The following NEK10 variants were observed in gnomAD, a reference collection of about 807,000 sequenced individuals.
NEK10 encodes the protein serine/threonine-protein kinase Nek10.
Under a neutral mutation model 159.8 loss-of-function variants are expected in NEK10, and 122 were observed. The observed-to-expected ratio is 0.76, with a 90% CI of 0.66 to 0.89. NEK10 has a LOEUF of 0.89. Ranked by LOEUF, NEK10 falls within the 40% of genes least tolerant of loss-of-function variation. The pLI is 0.00. For synonymous variants in NEK10, 466 were observed against 457.1 expected (o/e 1.02, Z -0.25); for missense variants, 1,342 against 1,323.1 (o/e 1.01, Z -0.22).
intron 30 of NEK10, among the ~76,000 whole-genome samples, chr3:27,145,531 G>C (rs17317121): frequency 1.3e-5 from 2 of 152,104 alleles, no homozygotes; most frequent in African/African-American, 2.4e-5. Flanking sequence ...CAAGCATGAC[G>C]CTAAAGAGCT....
At chr3:27,288,580 T>G (rs1241370891) in intron 19 of NEK10, among the ~76,000 whole-genome samples, 1 of 152,202 alleles carries the variant, frequency 6.6e-6, no homozygotes, top group African/African-American at 2.4e-5. Flanking sequence ...TCTCCTCTAT[T>G]ACAATAGTTT....
At chr3:27,129,025 A>C (rs1466542100) in intron 32 of NEK10, among the ~76,000 whole-genome samples, 1 of 152,114 alleles carries the variant, frequency 6.6e-6, no homozygotes, top group African/African-American at 2.4e-5. Context: ...TGATACTTCC[A>C]ATTCCAATTT....
chr3:27,132,045 G>T, intron 31 of NEK10, 55 bp from the exon 32 acceptor site: 1 of 999,522 alleles, frequency 1.0e-6, no homozygotes, highest in South Asian at 1.4e-5. Flanking sequence ...CTACACAGCT[G>T]ACTACAAAAA....
At chr3:27,150,198 G>C (rs969806642) in intron 30 of NEK10, among the ~76,000 whole-genome samples, 52 of 152,312 alleles carry the variant, frequency 3.4e-4, no homozygotes, top group Non-Finnish European at 5.7e-4. Context: ...TGTAAATGCT[G>C]ATATAGAAGT....
chr3:27,130,406 G>A lies in NEK10; in HGVS notation c.3081+1474C>T, dbSNP rs112030996. ...CCACAATACACAGGAAGGAAGACAA[G>A]GAGTGGGTGGGAGAATTTAACAAAC... On this transcript the variant is annotated intron_variant, in intron 32 of 35. Coordinates refer to ENST00000691995, the MANE Select transcript of NEK10 (RefSeq NM_001394966.1). Among the ~76,000 whole-genome samples the A allele has an allele frequency of 4.8e-3, 726 of 152,260 alleles. 3 individuals carry two copies. Among genetic ancestry groups the A allele is most frequent in the Middle Eastern group, 0.027 (8 of 294 alleles).
chr3:27,286,626 G>A (rs139288407), intron 20 of NEK10, among the ~76,000 whole-genome samples: 2,111 of 141,022 alleles, frequency 0.015, 24 homozygotes, highest in Middle Eastern at 0.046. Context: ...CTGACCTCAA[G>A]TGATTCGCCA....
chr3:27,174,684 T>C lies in NEK10; in HGVS notation c.2655A>G (p.Ser885=), dbSNP rs770499067. Residue 885 remains serine (S), a synonymous_variant, in exon 27 of 36, where the codon TCA becomes TCG. Transcript: ENST00000691995. ...DEDRACDEIL[S]DDNFNLENAE... is the part of the protein sequence containing the mutation. ...CATTTTCCAGGTTGAAGTTATCATC[T>C]GACAGGATTTCGTCACAGGCCCTGT... 17 of 1,612,286 alleles carry C rather than the reference T, an allele frequency of 1.1e-5. No individual in the cohort carries two copies. Among genetic ancestry groups the C allele is most frequent in the Non-Finnish European group, 5.9e-6 (7 of 1,179,450 alleles).
intron 1 of NEK10, among the ~76,000 whole-genome samples, chr3:27,367,100 A>T (rs1487902817): frequency 6.6e-6 from 1 of 152,172 alleles, no homozygotes; most frequent in East Asian, 1.9e-4. Flanking sequence ...ATGAGCCACC[A>T]TGCCCAGCCC....
Position 27,192,129 on chromosome 3 carries a change from T to C in NEK10, c.2405A>G (p.Glu802Gly). The C allele has an allele frequency of 6.2e-7, 1 of 1,614,216 alleles. No individual in the cohort carries two copies. The highest frequency in any genetic ancestry group is 8.5e-7 in the Non-Finnish European group (1 of 1,180,036). Reference protein sequence around the residue: ...DNLSTSQLSLEKKLERERRRT... With the variant: ...DNLSTSQLSLGKKLERERRRT... ...TCTTCGTTCCCGTTCTAGCTTCTTT[T>C]CCAAGGACAACTGGGATGTAGATAA... The change falls in exon 26 of 36, where the codon GAA becomes GGA. Residue 802 changes from glutamate to glycine, a missense_variant. By Grantham distance (98) the Glu-to-Gly change is moderately conservative. Transcript: ENST00000691995.
chr3:27,162,339 A>C, intron 30 of NEK10: 1 of 1,465,166 alleles, frequency 6.8e-7, no homozygotes, highest in South Asian at 1.4e-5. Context: ...CAAACAAGGC[A>C]GAATTCTCCG....
chr3:27,336,450 AT>A (rs974970527), intron 5 of NEK10, among the ~76,000 whole-genome samples: 2 of 152,184 alleles, frequency 1.3e-5, no homozygotes, highest in African/African-American at 4.8e-5. Context: ...TCCTGAAACT[AT>A]TCCAGAAAAT....
chr3:27,151,522 A>G (rs963233825), intron 30 of NEK10, among the ~76,000 whole-genome samples: 1 of 152,174 alleles, frequency 6.6e-6, no homozygotes, highest in South Asian at 2.1e-4. Flanking sequence ...TTAGCCCTAG[A>G]TATTCCCTCT....
chr3:27,275,366 T>C (rs1575553427), intron 22 of NEK10, among the ~76,000 whole-genome samples: 1 of 152,192 alleles, frequency 6.6e-6, no homozygotes, highest in East Asian at 1.9e-4. Context: ...CCAATGGCAA[T>C]ACAAGGCAAC....
chr3:27,248,020 G>T (rs1474443078), intron 23 of NEK10, among the ~76,000 whole-genome samples: 1 of 151,898 alleles, frequency 6.6e-6, no homozygotes, highest in Non-Finnish European at 1.5e-5. Flanking sequence ...TTTACTGGGA[G>T]ACTTTTCATT....
chr3:27,292,158 T>A (rs1245839484), intron 16 of NEK10, among the ~76,000 whole-genome samples: 2 of 152,170 alleles, frequency 1.3e-5, no homozygotes, highest in East Asian at 3.9e-4. Context: ...AATAACACTG[T>A]ACACTTAAAA....
At chr3:27,197,933 G>A (rs1949706776) in intron 25 of NEK10, among the ~76,000 whole-genome samples, 1 of 151,964 alleles carries the variant, frequency 6.6e-6, no homozygotes, top group Non-Finnish European at 1.5e-5. Flanking sequence ...ATTGTCTTGT[G>A]CTGATTTTCA....
At chr3:27,264,282 A>C (rs761024975) in intron 22 of NEK10, among the ~76,000 whole-genome samples, 7 of 152,218 alleles carry the variant, frequency 4.6e-5, no homozygotes, top group Admixed American at 6.5e-5. Flanking sequence ...ATATTTCCCA[A>C]ATCACTTCAT....
chr3:27,284,133 C>T (rs565793579), intron 22 of NEK10, among the ~76,000 whole-genome samples: 58 of 152,240 alleles, frequency 3.8e-4, no homozygotes, highest in African/African-American at 1.3e-3. Flanking sequence ...CACCTGCAAT[C>T]CCAGCACTTT....
At chr3:27,271,175 C>T (rs1380536499) in intron 22 of NEK10, among the ~76,000 whole-genome samples, 2 of 151,272 alleles carry the variant, frequency 1.3e-5, no homozygotes, top group Non-Finnish European at 2.9e-5. Flanking sequence ...ATCTATCTAT[C>T]TATCTATCTA....
Sources: gnomAD v4.1 joint callset for allele counts (sites outside exome capture counted in the v4.1 genomes callset) on GRCh38, gnomAD v4.1.1 for gene constraint, MANE v1.5 for transcripts, NCBI Gene and HGNC (gene_info 2026-07-23, HGNC 2026-07-21) for gene names.